The following DLGAP2 variants were observed in gnomAD, a reference collection of about 807,000 sequenced individuals.
DLGAP2 encodes the protein disks large-associated protein 2.
In DLGAP2, 26 loss-of-function variants were observed where a neutral mutation model predicts 100.3. That is an observed-to-expected ratio of 0.26 (90% CI 0.19 to 0.36). DLGAP2 has a LOEUF of 0.36. Among genes scored for constraint, DLGAP2 ranks in the 10% least tolerant of loss-of-function variants. The pLI, the probability that DLGAP2 is intolerant of heterozygous loss-of-function variation, is 1.00. For missense variants in DLGAP2, 1,858 were observed against 1,453.2 expected, an observed-to-expected ratio of 1.28 and a Z score of -4.53; for synonymous variants, 886 against 630.1, an observed-to-expected ratio of 1.41 and a Z score of -6.08.
At chr8:1,036,284 C>T (rs1802121080) in intron 2 of DLGAP2, among the ~76,000 whole-genome samples, 1 of 152,274 alleles carries the variant, frequency 6.6e-6, no homozygotes, top group East Asian at 1.9e-4. Flanking sequence ...GTTTAATGAA[C>T]ACTGTGCTAG....
intron 4 of DLGAP2, among the ~76,000 whole-genome samples, chr8:1,516,525 CAGTG>C (rs551188525): frequency 1.8e-4 from 17 of 95,064 alleles, no homozygotes; most frequent in East Asian, 6.2e-4. Context: ...ATGAATCAGT[CAGTG>C]AGTGAGTGAG....
At chr8:1,158,476 T>C (rs1796833189) in intron 2 of DLGAP2, among the ~76,000 whole-genome samples, 1 of 152,252 alleles carries the variant, frequency 6.6e-6, no homozygotes, top group Admixed American at 6.5e-5. Flanking sequence ...CTTGGATCAT[T>C]GGGGTTTATT....
At chr8:1,565,478 C>T (rs1037052374) in intron 5 of DLGAP2, 8 of 531,170 alleles carry the variant, frequency 1.5e-5, no homozygotes, top group African/African-American at 7.7e-5. Flanking sequence ...TAGTGTTTAC[C>T]TATCACTTAT....
intron 5 of DLGAP2, 37 bp from the exon 6 acceptor site, chr8:1,565,644 GAC>G (rs1379958503): frequency 8.4e-6 from 13 of 1,554,060 alleles, no homozygotes; most frequent in Middle Eastern, 3.4e-4. Context: ...CGTTCTCAGT[GAC>G]AAAGTTGATG....
chr8:1,197,172 C>A (rs532303433), intron 2 of DLGAP2, among the ~76,000 whole-genome samples: 28 of 152,328 alleles, frequency 1.8e-4, no homozygotes, highest in African/African-American at 6.3e-4. Flanking sequence ...CTGGAAACGC[C>A]GTCACAGACA....
chr8:1,221,927 G>A (rs757327777), intron 2 of DLGAP2, among the ~76,000 whole-genome samples: 2 of 152,140 alleles, frequency 1.3e-5, no homozygotes, highest in Non-Finnish European at 2.9e-5. Context: ...AATTCCTGTG[G>A]TGAATTTTTT....
At chr8:999,906 G>A (rs1023945036) in intron 2 of DLGAP2, among the ~76,000 whole-genome samples, 1 of 151,290 alleles carries the variant, frequency 6.6e-6, no homozygotes, top group African/African-American at 2.4e-5. Flanking sequence ...TTTCTCTAGA[G>A]CAGACAGATC....
At chr8:740,420 G>A (rs1585811017) in intron 1 of DLGAP2, 1 of 152,058 alleles carries the variant, frequency 6.6e-6, no homozygotes, top group East Asian at 1.9e-4. Flanking sequence ...GGGTTAATTC[G>A]ATTTTTAGTT....
At chr8:1,475,544 A>G (rs973930869) in intron 3 of DLGAP2, among the ~76,000 whole-genome samples, 3 of 152,158 alleles carry the variant, frequency 2.0e-5, no homozygotes, top group Non-Finnish European at 4.4e-5. Flanking sequence ...GTGAGGATCA[A>G]TGAGCGGCTG....
chr8:759,240 G>A (rs1429117152), intron 1 of DLGAP2, among the ~76,000 whole-genome samples: 8 of 49,220 alleles, frequency 1.6e-4, no homozygotes, highest in Admixed American at 1.2e-3. Context: ...ATCAATACCC[G>A]CAACAGCCTC....
At chr8:1,355,589 T>C (rs1801829715) in intron 3 of DLGAP2, among the ~76,000 whole-genome samples, 1 of 152,170 alleles carries the variant, frequency 6.6e-6, no homozygotes, top group Non-Finnish European at 1.5e-5. Flanking sequence ...GGTCTTGAAC[T>C]CCTGACCTCA....
At chr8:1,027,720 C>T (rs1407624888) in intron 2 of DLGAP2, among the ~76,000 whole-genome samples, 15 of 133,074 alleles carry the variant, frequency 1.1e-4, no homozygotes, top group Admixed American at 6.7e-4. Flanking sequence ...GTCAGGCGCC[C>T]GTTATTCTCC....
At chr8:760,148 GCTT>G (rs1254768699) in intron 1 of DLGAP2, among the ~76,000 whole-genome samples, 1 of 152,114 alleles carries the variant, frequency 6.6e-6, no homozygotes, top group Non-Finnish European at 1.5e-5. Flanking sequence ...AATTTCTGTG[GCTT>G]CTTCTTCTCT....
chr8:1,051,337 C>T (rs1280567780), intron 2 of DLGAP2, among the ~76,000 whole-genome samples: 1 of 152,132 alleles, frequency 6.6e-6, no homozygotes, highest in Non-Finnish European at 1.5e-5. Flanking sequence ...GTCTCAGATC[C>T]AGCTGCATCT....
chr8:1,564,807 G>A (rs1563224012), intron 5 of DLGAP2, among the ~76,000 whole-genome samples: 1 of 152,180 alleles, frequency 6.6e-6, no homozygotes, highest in Non-Finnish European at 1.5e-5. Flanking sequence ...CAGGTGGTCA[G>A]CTCTGTACCA....
intron 2 of DLGAP2, among the ~76,000 whole-genome samples, chr8:1,201,300 G>A (rs931899663): frequency 3.3e-5 from 5 of 152,210 alleles, no homozygotes; most frequent in African/African-American, 1.2e-4. Context: ...CCCCGCGCAG[G>A]TGTGAGGCCC....
intron 2 of DLGAP2, among the ~76,000 whole-genome samples, chr8:936,064 C>T (rs572158221): frequency 9.2e-5 from 14 of 152,244 alleles, no homozygotes; most frequent in African/African-American, 1.7e-4. Context: ...GAAATTAGCT[C>T]GCGGAGCACG....
At chr8:1,700,149 G>A (rs529469568) in intron 14 of DLGAP2, among the ~76,000 whole-genome samples, 2 of 152,264 alleles carry the variant, frequency 1.3e-5, no homozygotes, top group East Asian at 1.9e-4. Context: ...GGCCTCCTCC[G>A]TACTCACACA....
chr8:1,371,618 T>C (rs1273762239), intron 3 of DLGAP2, among the ~76,000 whole-genome samples: 1 of 152,226 alleles, frequency 6.6e-6, no homozygotes, highest in Non-Finnish European at 1.5e-5. Context: ...TCTTTTATGT[T>C]TTCTTAAATT....
Sources: gnomAD v4.1 joint callset for allele counts (sites outside exome capture counted in the v4.1 genomes callset) on GRCh38, gnomAD v4.1.1 for gene constraint, MANE v1.5 for transcripts, NCBI Gene and HGNC (gene_info 2026-07-23, HGNC 2026-07-21) for gene names.